Variants in STX6 observed in about 807,000 individuals in gnomAD.
The protein encoded by STX6 is syntaxin-6.
STX6 carries 23 observed loss-of-function variants against 38.0 expected under a neutral mutation model. The ratio of observed to expected loss-of-function variants is 0.60; its 90% CI spans 0.43 to 0.86. STX6 has a LOEUF of 0.86. Among genes scored for constraint, STX6 ranks in the 40% least tolerant of loss-of-function variants. The pLI, the probability that STX6 is intolerant of heterozygous loss-of-function variation, is 0.00. For missense variants in STX6, 274 were observed against 312.9 expected, an observed-to-expected ratio of 0.88 and a Z score of 0.94; for synonymous variants, 123 against 107.5, an observed-to-expected ratio of 1.14 and a Z score of -0.89.
At chr1:181,005,495 C>G in intron 1 of STX6, 32 bp from the exon 2 acceptor site, 1 of 1,595,258 alleles carries the variant, frequency 6.3e-7, no homozygotes, top group Non-Finnish European at 8.6e-7. Context: ...GGAGAGAAAT[C>G]ACAGACAACA....
intron 1 of STX6, among the ~76,000 whole-genome samples, chr1:181,018,147 A>G (rs1366317484): frequency 6.6e-6 from 1 of 152,074 alleles, no homozygotes; most frequent in Non-Finnish European, 1.5e-5. Context: ...CACTTTGGGA[A>G]GCCAAGGTGT....
At chr1:180,984,089 A>AAAAC (rs141306282) in intron 7 of STX6, among the ~76,000 whole-genome samples, 1,001 of 96,972 alleles carry the variant, frequency 0.01, 129 homozygotes, top group African/African-American at 0.02. Flanking sequence ...AAAAAAAAAA[A>AAAAC]ACACAACGAA....
At chr1:181,000,460 T>C (rs948047824) in intron 3 of STX6, among the ~76,000 whole-genome samples, 4 of 152,258 alleles carry the variant, frequency 2.6e-5, no homozygotes, top group Middle Eastern at 6.8e-3. Flanking sequence ...GAGCCCCTTA[T>C]AAAACCATCA....
chr1:180,986,889 C>T (rs1655604308), intron 6 of STX6, among the ~76,000 whole-genome samples: 1 of 152,130 alleles, frequency 6.6e-6, no homozygotes, highest in South Asian at 2.1e-4. Context: ...AGTCCTTTCC[C>T]CTCCTCAAAC....
At chr1:180,986,183 T>C (rs1013567654) in intron 6 of STX6, among the ~76,000 whole-genome samples, 3 of 152,216 alleles carry the variant, frequency 2.0e-5, no homozygotes, top group Non-Finnish European at 2.9e-5. Context: ...ACCAACCAAG[T>C]TGCTAGCCCA....
At chr1:181,008,269 A>G (rs112362800) in intron 1 of STX6, among the ~76,000 whole-genome samples, 1 of 152,204 alleles carries the variant, frequency 6.6e-6, no homozygotes, top group Non-Finnish European at 1.5e-5. Context: ...TTTCCCTTAT[A>G]CTACGATCCA....
intron 1 of STX6, among the ~76,000 whole-genome samples, chr1:181,015,694 G>A (rs1296244331): frequency 6.7e-6 from 1 of 150,066 alleles, no homozygotes; most frequent in Non-Finnish European, 1.5e-5. Context: ...TTGAGAGGGA[G>A]TTTTGCACTG....
At position 180,990,039 on chromosome 1, in the gene STX6, C is replaced by T. The variant is rs752296738; in HGVS notation, c.434G>A (p.Arg145Gln). Residue 145 changes from arginine (R) to glutamine (Q), a missense_variant, in exon 5 of 8, where the codon CGA becomes CAA. Physicochemically the swap from Arg to Gln is conservative, Grantham distance 43. Coordinates refer to ENST00000258301, the MANE Select transcript of STX6 (RefSeq NM_005819.6). ...ATGAGAATTGGCTCTCTGGAGCTCT[C>T]GGTCCAGACGCCCATATTTATCTGT... The part of the protein sequence containing the change: ...GTTDKYGRLD[R>Q]ELQRANSHFI... 1.3e-5 allele frequency: 21 copies of T among 1,614,046 alleles called. No individual in the cohort carries two copies. Among genetic ancestry groups the T allele is most frequent in the South Asian group, 5.5e-5 (5 of 91,072 alleles).
chr1:181,005,605 T>C, intron 1 of STX6, 142 bp from the exon 2 acceptor site: 1 of 721,464 alleles, frequency 1.4e-6, no homozygotes. Flanking sequence ...CAGACAAATA[T>C]CAAAGTTCAA....
chr1:181,015,852 G>C (rs1272889478), intron 1 of STX6, among the ~76,000 whole-genome samples: 1 of 151,982 alleles, frequency 6.6e-6, no homozygotes, highest in African/African-American at 2.4e-5. Context: ...GTAGAGATGG[G>C]GTTTCACCAT....
At chr1:181,018,027 A>G (rs867342329) in intron 1 of STX6, among the ~76,000 whole-genome samples, 1 of 152,172 alleles carries the variant, frequency 6.6e-6, no homozygotes, top group African/African-American at 2.4e-5. Flanking sequence ...ATGACAAAAT[A>G]CAATGCAGTC....
intron 3 of STX6, among the ~76,000 whole-genome samples, chr1:180,994,791 T>G (rs369848972): frequency 6.6e-6 from 1 of 152,150 alleles, no homozygotes; most frequent in African/African-American, 2.4e-5. Flanking sequence ...CAATAATCTA[T>G]CGTATATTTC....
At position 180,976,239 on chromosome 1, in the gene STX6, A is replaced by G; in HGVS notation, c.*331T>C. 1 of 297,702 alleles carries G rather than the reference A, an allele frequency of 3.4e-6. No individual in the cohort carries two copies. 18.4% of individuals were successfully genotyped at this position (297,702 alleles called of 1,614,324 possible). ...AGATGCATGGAATGAGCAACAGCAA[A>G]ACACCAGTGGAGTCTGTAAGTCCCT... On this transcript the variant is annotated 3_prime_UTR_variant, in exon 8 of 8. Coordinates refer to ENST00000258301, the MANE Select transcript of STX6 (RefSeq NM_005819.6).
intron 7 of STX6, among the ~76,000 whole-genome samples, chr1:180,979,939 G>A (rs1312480759): frequency 6.6e-6 from 1 of 152,168 alleles, no homozygotes; most frequent in African/African-American, 2.4e-5. Context: ...GGGCAAGGTG[G>A]CTCACACCTG....
chr1:180,984,283 C>T (rs867223572), intron 7 of STX6, among the ~76,000 whole-genome samples: 2 of 151,526 alleles, frequency 1.3e-5, no homozygotes, highest in African/African-American at 4.8e-5. Context: ...CGGTGGCTCA[C>T]GCCTATAATC....
intron 1 of STX6, among the ~76,000 whole-genome samples, chr1:181,018,892 C>G (rs1457534503): frequency 6.6e-6 from 1 of 152,168 alleles, no homozygotes; most frequent in African/African-American, 2.4e-5. Flanking sequence ...CATAACTTGA[C>G]CCTATTTTAC....
intron 3 of STX6, among the ~76,000 whole-genome samples, chr1:180,997,847 T>C (rs1655957538): frequency 6.6e-6 from 1 of 152,248 alleles, no homozygotes; most frequent in South Asian, 2.1e-4. Flanking sequence ...CATATTTCAA[T>C]GTCCATAAAA....
intron 4 of STX6, among the ~76,000 whole-genome samples, chr1:180,992,922 A>AAAAC (rs757177386): frequency 4.6e-5 from 7 of 152,310 alleles, no homozygotes; most frequent in South Asian, 2.1e-4. Flanking sequence ...TAGAGAGCTC[A>AAAAC]AAACAAACAA....
At chr1:181,002,471 A>G (rs1656111353) in intron 3 of STX6, 135 bp downstream of exon 3, 2 of 573,950 alleles carry the variant, frequency 3.5e-6, no homozygotes, top group Admixed American at 3.3e-5. Flanking sequence ...GAAATTATAT[A>G]TGGGGAAGCT....
Sources: allele counts gnomAD v4.1 joint callset (sites outside exome capture counted in the v4.1 genomes callset), GRCh38; gene constraint gnomAD v4.1.1; transcripts MANE v1.5; gene names NCBI Gene and HGNC (gene_info 2026-07-23, HGNC 2026-07-21).